Variants in CNNM3 observed in about 807,000 individuals in gnomAD.
The protein encoded by CNNM3 is metal transporter CNNM3.
In CNNM3, 47 loss-of-function variants were observed where a neutral mutation model predicts 57.1. The observed-to-expected ratio is 0.82, with a 90% CI of 0.65 to 1.05. The LOEUF is 1.05. Ranked by LOEUF, CNNM3 falls within the 50% of genes least tolerant of loss-of-function variation. The probability of loss-of-function intolerance (pLI) is 0.00; values close to 1 mark genes in which losing one functional copy is unlikely to be tolerated. For missense variants in CNNM3, 957 were observed against 973.7 expected, an observed-to-expected ratio of 0.98 and a Z score of 0.23; for synonymous variants, 507 against 478.2, an observed-to-expected ratio of 1.06 and a Z score of -0.79.
In CNNM3 at chr2:96,835,343, T is replaced by A. The variant is rs1021325668; in HGVS notation, c.*2727T>A. Among the ~76,000 whole-genome samples the A allele has an allele frequency of 8.5e-5, 13 of 152,216 alleles. No homozygotes were observed. Among genetic ancestry groups the A allele is most frequent in the Admixed American group, 7.9e-4 (12 of 15,278 alleles). ...AAGGACACCTGGGATGTTTCCAGTT[T>A]GGGGCTATTCCAAATAAAGCTGCTA... On this transcript the variant is annotated 3_prime_UTR_variant, in exon 8 of 8. Transcript: ENST00000305510.
intron 1 of CNNM3, among the ~76,000 whole-genome samples, chr2:96,818,772 C>A (rs2079363785): frequency 6.6e-6 from 1 of 152,246 alleles, no homozygotes; most frequent in Admixed American, 6.5e-5. Flanking sequence ...ATGCTTCTCA[C>A]ACCTGCACTC....
Position 96,829,050 on chromosome 2 carries a change from CCA to C in CNNM3, c.1978_1979del (p.Gln660ValfsTer3). 6.2e-7 allele frequency: 1 copy of C among 1,614,050 alleles called. No individual in the cohort carries two copies. Among genetic ancestry groups the C allele is most frequent in the Non-Finnish European group, 8.5e-7 (1 of 1,180,018 alleles). On this transcript the variant is annotated frameshift_variant, in exon 7 of 8. Coordinates refer to ENST00000305510, the MANE Select transcript of CNNM3 (RefSeq NM_017623.5). LOFTEE classifies it high-confidence loss of function. Reference protein sequence around the residue: ...ALLATRAQNLPQSPENTDLQV... With the variant: ...ALLATRAQNLXQSPENTDLQV... ...CCTGGCTACCCGAGCCCAGAACCTGCCACAGTCCCCTGAGAACACCGACCTGC... is the reference window on the plus strand; with the variant it reads ...CCTGGCTACCCGAGCCCAGAACCTGCCAGTCCCCTGAGAACACCGACCTGC...
Position 96,816,878 on chromosome 2 carries a change from C to G in CNNM3, c.601C>G (p.Leu201Val). 2 of 1,100,772 alleles carry G rather than the reference C, an allele frequency of 1.8e-6. No individual in the cohort carries two copies. The highest frequency in any genetic ancestry group is 2.2e-6 in the Non-Finnish European group (2 of 907,540). 68.2% of individuals were successfully genotyped at this position (1,100,772 alleles called of 1,614,324 possible). ...CTGCGCCTTGGGCGCGCTGCTGCTG[C>G]TGGCCAGCCTGGCGCAGGCGGCGCT... is the stretch of plus-strand genomic sequence containing the variant. ...AGCALGALLL[L>V]ASLAQAALAV... Residue 201 changes from leucine to valine, a missense_variant, in exon 1 of 8, where the codon CTG (leucine) becomes GTG (valine). Physicochemically the swap from Leu to Val is conservative, Grantham distance 32 (BLOSUM62 1). Transcript: ENST00000305510.
intron 1 of CNNM3, among the ~76,000 whole-genome samples, chr2:96,823,563 G>T (rs1487103691): frequency 6.6e-6 from 1 of 152,214 alleles, no homozygotes; most frequent in African/African-American, 2.4e-5. Flanking sequence ...CTTCCTCCCG[G>T]AAAGCGGGGA....
Position 96,833,116 on chromosome 2 carries a change from C to A in CNNM3, c.*500C>A. 2 of 822,572 alleles carry A rather than the reference C, an allele frequency of 2.4e-6. No individual in the cohort carries two copies. Among genetic ancestry groups the A allele is most frequent in the Non-Finnish European group, 3.5e-6 (2 of 576,250 alleles). The allele number at this position is 822,572 out of a possible 1,614,324, so 51.0% of individuals were successfully genotyped here. On this transcript the variant is annotated 3_prime_UTR_variant, in exon 8 of 8. Transcript: ENST00000305510. ...TGGGGGTTCAGATCGATGGCCTTGT[C>A]CATGTTGTCCTTTCTGGCTTCCCTG...
chr2:96,816,936 G>A lies in CNNM3; in HGVS notation c.659G>A (p.Arg220His). Reference protein sequence around the residue: ...AVLLYRAAGQRAVPAVLGSAG... With the variant: ...AVLLYRAAGQHAVPAVLGSAG... ...CTGCTGTACCGCGCGGCCGGCCAGCGTGCGGTGCCCGCCGTGTTGGGCAGC... is the reference window on the plus strand; with the variant it reads ...CTGCTGTACCGCGCGGCCGGCCAGCATGCGGTGCCCGCCGTGTTGGGCAGC... Residue 220 changes from arginine (R) to histidine (H), a missense_variant, in exon 1 of 8, where the codon CGT becomes CAT. Physicochemically the swap from Arg to His is conservative, Grantham distance 29 (BLOSUM62 0). This residue lies in a region of CNNM3 where 466 missense variants were observed against 403.1 expected (regional missense o/e 1.16). Transcript: ENST00000305510. 4.9e-6 allele frequency: 6 copies of A among 1,229,740 alleles called. No individual in the cohort carries two copies. Among genetic ancestry groups the A allele is most frequent in the Non-Finnish European group, 6.1e-6 (6 of 984,162 alleles). 76.2% of individuals were successfully genotyped at this position (1,229,740 alleles called of 1,614,324 possible).
At chr2:96,832,481 A>C in intron 7 of CNNM3, 71 bp from the exon 8 acceptor site, 4 of 1,602,680 alleles carry the variant, frequency 2.5e-6, no homozygotes, top group Non-Finnish European at 3.4e-6. Context: ...CCCACAGAGG[A>C]TTTGGCACTT....
At chr2:96,817,759 C>G (rs538126000) in intron 1 of CNNM3, among the ~76,000 whole-genome samples, 1 of 151,948 alleles carries the variant, frequency 6.6e-6, no homozygotes, top group Admixed American at 6.6e-5. Flanking sequence ...AGCCCCCCCC[C>G]CCCATTTGCA....
In CNNM3 at chr2:96,825,685, G is replaced by A. The variant is rs577165185; in HGVS notation, c.1369+484G>A. ...TGGGAGGCCCAGGCAGGCAGATCAC[G>A]AGATCGGGAGTTCGAGACCAGCCTG... On this transcript the variant is annotated intron_variant, in intron 2 of 7. Transcript: ENST00000305510. Among the ~76,000 whole-genome samples, 3 of 152,336 alleles carry A rather than the reference G, an allele frequency of 2.0e-5. No homozygotes were observed. In the East Asian group the frequency reaches 5.8e-4, roughly 29 times the overall value.
chr2:96,816,847 G>T lies in CNNM3; in HGVS notation c.570G>T (p.Trp190Cys). Residue 190 changes from tryptophan (W) to cysteine (C), a missense_variant, in exon 1 of 8, where the codon TGG (tryptophan) becomes TGT (cysteine). By Grantham distance (215) the Trp-to-Cys change is radical (BLOSUM62 -2). Coordinates refer to ENST00000305510, the MANE Select transcript of CNNM3 (RefSeq NM_017623.5). The part of the protein sequence containing the change: ...AARRLEPARR[W>C]AGCALGALLL... ...GGCGTTTGGAGCCCGCGCGGCGCTG[G>T]GCCGGCTGCGCCTTGGGCGCGCTGC... 1 of 1,058,720 alleles carries T rather than the reference G, an allele frequency of 9.4e-7. No individual in the cohort carries two copies. The highest frequency in any genetic ancestry group is 1.1e-6 in the Non-Finnish European group (1 of 881,138). 65.6% of individuals were successfully genotyped at this position (1,058,720 alleles called of 1,614,324 possible).
chr2:96,837,250 A>AT (rs2079702013), downstream of CNNM3: 5 of 152,328 alleles, frequency 3.3e-5, no homozygotes, highest in South Asian at 1.0e-3. Flanking sequence ...ATCTTCTAGG[A>AT]TTTTGATAGG....
At chr2:96,823,820 CCCTGTCCTGGA>C (rs2153354399) in intron 1 of CNNM3, among the ~76,000 whole-genome samples, 1 of 152,290 alleles carries the variant, frequency 6.6e-6, no homozygotes, top group African/African-American at 2.4e-5. Context: ...GCTCCCATCC[CCCTGTCCTGGA>C]CCTGTGCCGC....
intron 2 of CNNM3, 63 bp downstream of exon 2, chr2:96,825,264 T>C: frequency 6.3e-7 from 1 of 1,582,460 alleles, no homozygotes; most frequent in Non-Finnish European, 8.6e-7. Flanking sequence ...AGGCGTATGT[T>C]GCGTCAGAGG....
intron 1 of CNNM3, among the ~76,000 whole-genome samples, chr2:96,820,916 C>T (rs748145786): frequency 1.3e-5 from 2 of 152,252 alleles, no homozygotes; most frequent in South Asian, 2.1e-4. Flanking sequence ...GGCCAGGGTC[C>T]GGGCTGCTCC....
chr2:96,818,939 G>T (rs2079366074), intron 1 of CNNM3, among the ~76,000 whole-genome samples: 1 of 152,242 alleles, frequency 6.6e-6, no homozygotes, highest in African/African-American at 2.4e-5. Context: ...GTTGCAGGAA[G>T]CCAGGCTTTG....
Position 96,816,530 on chromosome 2 carries a change from G to T in CNNM3, c.253G>T (p.Gly85Cys). 1 of 1,365,506 alleles carries T rather than the reference G, an allele frequency of 7.3e-7. No homozygotes were observed. 84.6% of individuals were successfully genotyped at this position (1,365,506 alleles called of 1,614,324 possible). The change falls in exon 1 of 8, where the codon GGC becomes TGC. Residue 85 changes from glycine (G) to cysteine (C), a missense_variant. Around this residue, in one of 2 missense-constraint regions of CNNM3, gnomAD observed 466 missense variants for 403.1 expected, o/e 1.16. Coordinates refer to ENST00000305510, the MANE Select transcript of CNNM3 (RefSeq NM_017623.5). ...SWSWVAPEGAGCREEAASPAG... is the reference protein window; with the variant it reads ...SWSWVAPEGACCREEAASPAG... Reference sequence around the variant, plus strand: ...GTCCTGGGTGGCCCCGGAGGGGGCGGGCTGCCGGGAGGAGGCGGCCTCCCC... The same window carrying T: ...GTCCTGGGTGGCCCCGGAGGGGGCGTGCTGCCGGGAGGAGGCGGCCTCCCC...
At chr2:96,817,544 C>T (rs1485341448) in intron 1 of CNNM3, 42 bp downstream of exon 1, 2 of 1,558,018 alleles carry the variant, frequency 1.3e-6, no homozygotes, top group Middle Eastern at 1.7e-4. Context: ...CGTGCGAGTG[C>T]CCTCTCCCTG....
Position 96,817,029 on chromosome 2 carries a change from T to TGGCGCC in CNNM3, c.754_759dup (p.Ala252_Pro253dup), listed in dbSNP as rs1306165237. The TGGCGCC allele has an allele frequency of 6.6e-6, 9 of 1,367,532 alleles. No individual in the cohort carries two copies. Among genetic ancestry groups the TGGCGCC allele is most frequent in the Non-Finnish European group, 5.7e-6 (6 of 1,056,702 alleles). 84.7% of individuals were successfully genotyped at this position (1,367,532 alleles called of 1,614,324 possible). ...GTGAGCGGGCGCTGGACGCTGGCGC[T>TGGCGCC]GGCGCCGCGAGCGCTCGGCCTCAGC... On this transcript the variant is annotated inframe_insertion, in exon 1 of 8. Coordinates refer to ENST00000305510, the MANE Select transcript of CNNM3 (RefSeq NM_017623.5).
chr2:96,821,881 T>C (rs1574102739), intron 1 of CNNM3, among the ~76,000 whole-genome samples: 1 of 152,336 alleles, frequency 6.6e-6, no homozygotes, highest in East Asian at 1.9e-4. Context: ...GTTATATGTG[T>C]TTGAAGTATG....
Sources: gnomAD v4.1 joint callset for allele counts (sites outside exome capture counted in the v4.1 genomes callset) on GRCh38, gnomAD v4.1.1 for gene constraint, gnomAD v4.1.1 regional missense constraint, MANE v1.5 for transcripts, NCBI Gene and HGNC (gene_info 2026-07-23, HGNC 2026-07-21) for gene names.